The following ADGRV1 variants were observed in gnomAD, a reference collection of about 807,000 sequenced individuals.
ADGRV1 encodes the protein G-protein coupled receptor 98.
In ADGRV1, 359 loss-of-function variants were observed where a neutral mutation model predicts 596.2. The observed-to-expected ratio is 0.60, with a 90% CI of 0.55 to 0.66. The LOEUF (loss-of-function observed/expected upper bound fraction) is 0.66, where lower values mean the gene tolerates loss of function less well. Ranked by LOEUF, ADGRV1 falls within the 30% of genes least tolerant of loss-of-function variation. The pLI is 0.00. For synonymous variants in ADGRV1, 2,681 were observed against 2,679.2 expected (o/e 1.00, Z -0.02); for missense variants, 7,274 against 7,575.6 (o/e 0.96, Z 1.48).
chr5:91,147,171 T>C (rs1795612104), intron 87 of ADGRV1, among the ~76,000 whole-genome samples: 1 of 106,782 alleles, frequency 9.4e-6, no homozygotes, highest in South Asian at 3.8e-4. Flanking sequence ...AGCAAGACCT[T>C]GTCTTAAAAA....
At chr5:91,123,872 G>A (rs1157915605) in intron 87 of ADGRV1, among the ~76,000 whole-genome samples, 2 of 152,142 alleles carry the variant, frequency 1.3e-5, no homozygotes, top group African/African-American at 4.8e-5. Context: ...GTATATCCTA[G>A]CAGGGAGTGG....
At chr5:90,850,415 A>G (rs1022881596) in intron 79 of ADGRV1, among the ~76,000 whole-genome samples, 1 of 152,182 alleles carries the variant, frequency 6.6e-6, no homozygotes, top group Admixed American at 6.5e-5. Flanking sequence ...GAGACCAATG[A>G]TTAACAGTTC....
intron 1 of ADGRV1, among the ~76,000 whole-genome samples, chr5:90,561,757 A>G (rs40205): frequency 0.17 from 25,774 of 152,084 alleles, 2,403 homozygotes; most frequent in East Asian, 0.32. Context: ...CAACTAGACA[A>G]TTTATGATGC....
chr5:90,644,955 T>C (rs763333793), intron 15 of ADGRV1, 86 bp downstream of exon 15: 179 of 954,008 alleles, frequency 1.9e-4, no homozygotes, highest in Non-Finnish European at 2.4e-4. Flanking sequence ...TCTGGTAATA[T>C]ATTTTGTGAT....
At chr5:90,681,255 T>C in intron 26 of ADGRV1, 60 bp from the exon 27 acceptor site, 1 of 1,570,556 alleles carries the variant, frequency 6.4e-7, no homozygotes, top group South Asian at 1.2e-5. Flanking sequence ...GCTTTTTCTT[T>C]GATTTGTAAA....
intron 78 of ADGRV1, among the ~76,000 whole-genome samples, chr5:90,845,493 A>G (rs541991569): frequency 1.3e-5 from 2 of 152,264 alleles, no homozygotes; most frequent in African/African-American, 4.8e-5. Flanking sequence ...ACAATTCTGA[A>G]CATATTGCTT....
chr5:90,970,334 T>A (rs1271486806), intron 84 of ADGRV1, among the ~76,000 whole-genome samples: 1 of 152,130 alleles, frequency 6.6e-6, no homozygotes, highest in Admixed American at 6.5e-5. Context: ...CAGAAACCTC[T>A]GCAGACTTAA....
At chr5:90,998,988 A>G (rs1287105724) in intron 85 of ADGRV1, among the ~76,000 whole-genome samples, 1 of 152,088 alleles carries the variant, frequency 6.6e-6, no homozygotes, top group Non-Finnish European at 1.5e-5. Flanking sequence ...CTTTGCATAG[A>G]TTTATACAGC....
chr5:90,756,624 T>C lies in ADGRV1; in HGVS notation c.11751T>C (p.Val3917=), dbSNP rs1755860494. ...DDPRGIFMFH[V]TRGAGEVITA... ...CCAGAGGAATTTTTATGTTTCATGT[T>C]ACTAGAGTGAGATGAACTTTCATTT... The change falls in exon 56 of 90, where the codon GTT becomes GTC. Residue 3917 remains valine, a synonymous_variant. Coordinates refer to ENST00000405460, the MANE Select transcript of ADGRV1 (RefSeq NM_032119.4). 2 of 1,612,220 alleles carry C rather than the reference T, an allele frequency of 1.2e-6. No homozygotes were observed. Among genetic ancestry groups the C allele is most frequent in the African/African-American group, 1.3e-5 (1 of 75,022 alleles).
chr5:90,785,833 G>A (rs547712025), intron 67 of ADGRV1, among the ~76,000 whole-genome samples: 2 of 152,202 alleles, frequency 1.3e-5, no homozygotes, highest in Non-Finnish European at 2.9e-5. Context: ...CATTATGGAA[G>A]ACAGTGTGGC....
chr5:90,683,474 G>A, intron 27 of ADGRV1, 112 bp from the exon 28 acceptor site: 1 of 867,828 alleles, frequency 1.2e-6, no homozygotes, highest in Non-Finnish European at 1.7e-6. Context: ...GTAGTCTGGA[G>A]AAGAACTTAT....
intron 79 of ADGRV1, chr5:90,850,597 CTATTTTGTTCAATGA>C (rs1219374091): frequency 6.6e-6 from 1 of 152,144 alleles, no homozygotes; most frequent in African/African-American, 2.4e-5. Flanking sequence ...CTATGTTCAA[CTATTTTGTTCAATGA>C]AATCAAGCAG....
intron 83 of ADGRV1, among the ~76,000 whole-genome samples, chr5:90,882,793 T>A (rs984892866): frequency 6.6e-6 from 1 of 152,186 alleles, no homozygotes; most frequent in Non-Finnish European, 1.5e-5. Flanking sequence ...AATAGTCAAC[T>A]AATAAGTTCA....
chr5:90,571,770 A>G (rs1756556924), intron 1 of ADGRV1, among the ~76,000 whole-genome samples: 2 of 152,092 alleles, frequency 1.3e-5, no homozygotes, highest in Non-Finnish European at 2.9e-5. Flanking sequence ...TGCTGGTTTT[A>G]ACTGTTATTG....
intron 85 of ADGRV1, among the ~76,000 whole-genome samples, chr5:91,008,980 A>G (rs1030136251): frequency 1.2e-4 from 18 of 152,150 alleles, no homozygotes; most frequent in Admixed American, 1.3e-4. Flanking sequence ...GAAAAAATTC[A>G]TATTTGTAGT....
intron 64 of ADGRV1, 95 bp from the exon 65 acceptor site, chr5:90,781,335 A>G (rs1758817188): frequency 2.3e-6 from 2 of 878,442 alleles, no homozygotes; most frequent in Non-Finnish European, 3.7e-6. Flanking sequence ...ACTAAGTTGT[A>G]GGAGCTAAGA....
intron 73 of ADGRV1, among the ~76,000 whole-genome samples, 178 bp downstream of exon 73, chr5:90,807,915 C>G (rs1762063409): frequency 6.6e-6 from 1 of 152,214 alleles, no homozygotes; most frequent in Admixed American, 6.5e-5. Context: ...GGAGCCCCAC[C>G]ACCCACTGTT....
intron 83 of ADGRV1, among the ~76,000 whole-genome samples, chr5:90,909,076 A>G (rs1188905710): frequency 5.3e-5 from 8 of 152,160 alleles, no homozygotes; most frequent in African/African-American, 1.7e-4. Context: ...TTCTTATGCC[A>G]TCTTTTCTCT....
chr5:90,985,228 A>G lies in ADGRV1; in HGVS notation c.17974-116A>G, dbSNP rs41305906. ...GAACTAACTTAAAAAAATCAAAACT[A>G]ATTATTAAGTAGATCCTGGCCTTTT... On this transcript the variant is annotated intron_variant, in intron 84 of 89. Coordinates refer to ENST00000405460, the MANE Select transcript of ADGRV1 (RefSeq NM_032119.4). 0.029 allele frequency: 16,179 copies of G among 559,906 alleles called. 303 individuals are homozygous for G. Among genetic ancestry groups the G allele is most frequent in the Non-Finnish European group, 0.033 (11,406 of 342,400 alleles). 34.7% of individuals were successfully genotyped at this position (559,906 alleles called of 1,614,324 possible). A position where few individuals can be genotyped will look rare whatever the true frequency, so the allele number is the denominator to read the frequency against.
Sources: allele counts gnomAD v4.1 joint callset (sites outside exome capture counted in the v4.1 genomes callset), GRCh38; gene constraint gnomAD v4.1.1; transcripts MANE v1.5; gene names NCBI Gene and HGNC (gene_info 2026-07-23, HGNC 2026-07-21).